The following KRR1 variants were observed in gnomAD, a reference collection of about 807,000 sequenced individuals.
KRR1 encodes KRR1 small subunit processome component homolog.
A neutral mutation model predicts 50.0 loss-of-function variants in KRR1; 23 were observed. That is an observed-to-expected ratio of 0.46 (90% CI 0.33 to 0.65). The LOEUF is 0.65. KRR1 is among the 30% of genes least tolerant of loss of function. The pLI, the probability that KRR1 is intolerant of heterozygous loss-of-function variation, is 0.02. For missense variants in KRR1, 419 were observed against 442.4 expected (o/e 0.95, Z 0.47); for synonymous variants, 133 against 146.3 (o/e 0.91, Z 0.66).
chr12:75,506,496 T>A lies in KRR1; in HGVS notation c.507A>T (p.Gly169=). The part of the protein sequence containing the change: ...KRRQRLIGPK[G]STLKALELLT... ...AATTAAAAAATACCTTCAATGTAGA[T>A]CCTTTGGGACCAATAAGCCGTTGTC... Residue 169 remains glycine, a synonymous_variant, in exon 4 of 10, where the codon GGA becomes GGT. Coordinates refer to ENST00000229214, the MANE Select transcript of KRR1 (RefSeq NM_007043.7). 6.2e-7 allele frequency: 1 copy of A among 1,611,502 alleles called. No homozygotes were observed. The highest frequency in any genetic ancestry group is 8.5e-7 in the Non-Finnish European group (1 of 1,179,126).
rs1431699327 is a variant in KRR1 at position 75,495,210 on chromosome 12, A to AAG, written c.*4597_*4598dup. 2 of 160,240 alleles carry AAG rather than the reference A, an allele frequency of 1.2e-5. No individual in the cohort carries two copies. Among genetic ancestry groups the AAG allele is most frequent in the Non-Finnish European group, 1.4e-5 (1 of 73,126 alleles). 9.9% of individuals were successfully genotyped at this position (160,240 alleles called of 1,614,324 possible). A position where few individuals can be genotyped will look rare whatever the true frequency, so the allele number is the denominator to read the frequency against. ...AATCATATAGGCCAGAGGGTAGGTA[A>AAG]AGAGAGGGAGCACAGCCCTGGAGTT... On this transcript the variant is annotated 3_prime_UTR_variant, in exon 10 of 10. Coordinates refer to ENST00000229214, the MANE Select transcript of KRR1 (RefSeq NM_007043.7).
chr12:75,507,007 G>A, intron 2 of KRR1, 91 bp from the exon 3 acceptor site: 1 of 1,075,454 alleles, frequency 9.3e-7, no homozygotes, highest in Non-Finnish European at 1.3e-6. Flanking sequence ...ATTAATTTCT[G>A]TCACCTCTCA....
In KRR1 at chr12:75,492,612, G is replaced by A. The variant is rs2046329673; in HGVS notation, c.*7197C>T. 6.6e-6 allele frequency: 1 copy of A among 152,154 alleles called. No individual in the cohort carries two copies. Among genetic ancestry groups the A allele is most frequent in the African/African-American group, 2.4e-5 (1 of 41,428 alleles). 9.4% of individuals were successfully genotyped at this position (152,154 alleles called of 1,614,324 possible). A position where few individuals can be genotyped will look rare whatever the true frequency, so the allele number is the denominator to read the frequency against. On this transcript the variant is annotated 3_prime_UTR_variant, in exon 10 of 10. Transcript: ENST00000229214. ...GATTTTTATTCATTAAAGTATAAAT[G>A]TAAATTTTCCTGGTTTAGACTCACT...
At chr12:75,501,681 T>C (rs957088319) in intron 9 of KRR1, 42 bp downstream of exon 9, 20 of 1,302,646 alleles carry the variant, frequency 1.5e-5, no homozygotes, top group Non-Finnish European at 2.0e-5. Context: ...TGGGTTTACT[T>C]TTCCTAATTA....
chr12:75,508,342 A>G lies in KRR1; in HGVS notation c.190T>C (p.Phe64Leu). 6.2e-7 allele frequency: 1 copy of G among 1,613,784 alleles called. No individual in the cohort carries two copies. Among genetic ancestry groups the G allele is most frequent in the Non-Finnish European group, 8.5e-7 (1 of 1,179,816 alleles). The change falls in exon 2 of 10, where the codon TTC becomes CTC. Residue 64 changes from phenylalanine to leucine, a missense_variant. Physicochemically the swap from Phe to Leu is conservative, Grantham distance 22. Coordinates refer to ENST00000229214, the MANE Select transcript of KRR1 (RefSeq NM_007043.7). ...LLEESSFATLFPKYREAYLKE... is the reference protein window; with the variant it reads ...LLEESSFATLLPKYREAYLKE... ...AAGTAAGCTTCCCTGTATTTTGGGA[A>G]CAAAGTTGCGAAACTGCTCTCCTCC...
chr12:75,501,936 A>T lies in KRR1; in HGVS notation c.896T>A (p.Met299Lys). The T allele has an allele frequency of 6.2e-7, 1 of 1,612,464 alleles. No homozygotes were observed. The highest frequency in any genetic ancestry group is 1.1e-5 in the South Asian group (1 of 91,026). The change falls in exon 8 of 10, where the codon ATG becomes AAG. Residue 299 changes from methionine (M) to lysine (K), a missense_variant. Met to Lys is a moderately conservative substitution (Grantham distance 95). Coordinates refer to ENST00000229214, the MANE Select transcript of KRR1 (RefSeq NM_007043.7). ...AAAGTGCCGTACCTTTATTGCTTCC[A>T]TTTTCTGCCGCTTCTTCTGATTTGC... is the stretch of plus-strand genomic sequence containing the variant. The part of the protein sequence containing the change: ...LKANQKKRQK[M>K]EAIKAKQAEA...
chr12:75,508,766 C>T (rs1478864518), intron 1 of KRR1, among the ~76,000 whole-genome samples: 1 of 152,208 alleles, frequency 6.6e-6, no homozygotes, highest in Non-Finnish European at 1.5e-5. Context: ...ACTCCAGAAA[C>T]ATGTACTGCA....
chr12:75,511,444 G>C lies in KRR1; in HGVS notation c.85+69C>G, dbSNP rs537150738. Reference sequence around the variant, plus strand: ...CCAGGTGGTTTTATAAGTCCACGAGGAACGAAAGAAAAAAACATCGCAACT... The same window carrying C: ...CCAGGTGGTTTTATAAGTCCACGAGCAACGAAAGAAAAAAACATCGCAACT... On this transcript the variant is annotated intron_variant, in intron 1 of 9. Coordinates refer to ENST00000229214, the MANE Select transcript of KRR1 (RefSeq NM_007043.7). 5 of 1,360,960 alleles carry C rather than the reference G, an allele frequency of 3.7e-6. No homozygotes were observed. In the East Asian group the frequency reaches 1.2e-4, roughly 32 times the overall value. 84.3% of individuals were successfully genotyped at this position (1,360,960 alleles called of 1,614,324 possible).
chr12:75,499,760 A>C lies in KRR1; in HGVS notation c.*49T>G. ...TAAGGCAACTAATGCCTGATATCTC[A>C]AAATCCTTTACAAAAGGAGATAGTT... On this transcript the variant is annotated 3_prime_UTR_variant, in exon 10 of 10. Transcript: ENST00000229214. The C allele has an allele frequency of 6.8e-7, 1 of 1,469,056 alleles. No individual in the cohort carries two copies. The highest frequency in any genetic ancestry group is 9.1e-7 in the Non-Finnish European group (1 of 1,097,382). The allele number at this position is 1,469,056 out of a possible 1,614,324, so 91.0% of individuals were successfully genotyped here.
rs763624351 is a variant in KRR1, at chr12:75,498,865, C to T, written c.*944G>A. 6 of 1,610,832 alleles carry T rather than the reference C, an allele frequency of 3.7e-6. No homozygotes were observed. Among genetic ancestry groups the T allele is most frequent in the Middle Eastern group, 1.6e-4 (1 of 6,066 alleles). ...ATATCCAGGCTGGCCCATATATCCA[C>T]GTAACAGATACACTTCTCTCTTTCT... On this transcript the variant is annotated 3_prime_UTR_variant, in exon 10 of 10. Transcript: ENST00000229214.
chr12:75,494,321 C>A lies in KRR1; in HGVS notation c.*5488G>T, dbSNP rs73356179. ...TAACCTCTATTAAAAATAACATTTCCTTTCATTATGAATGAAGACAACACT... is the reference window on the plus strand; with the variant it reads ...TAACCTCTATTAAAAATAACATTTCATTTCATTATGAATGAAGACAACACT... On this transcript the variant is annotated 3_prime_UTR_variant, in exon 10 of 10. Transcript: ENST00000229214. 4 of 152,032 alleles carry A rather than the reference C, an allele frequency of 2.6e-5. No individual in the cohort carries two copies. Among genetic ancestry groups the A allele is most frequent in the Non-Finnish European group, 4.4e-5 (3 of 68,002 alleles). 9.4% of individuals were successfully genotyped at this position (152,032 alleles called of 1,614,324 possible). A position where few individuals can be genotyped will look rare whatever the true frequency, so the allele number is the denominator to read the frequency against.
In KRR1 at chr12:75,495,458, C is replaced by G; in HGVS notation, c.*4351G>C. The G allele has an allele frequency of 1.7e-6, 1 of 604,908 alleles. No individual in the cohort carries two copies. Among genetic ancestry groups the G allele is most frequent in the East Asian group, 2.8e-5 (1 of 35,706 alleles). 37.5% of individuals were successfully genotyped at this position (604,908 alleles called of 1,614,324 possible). On this transcript the variant is annotated 3_prime_UTR_variant, in exon 10 of 10. Transcript: ENST00000229214. ...TTCCTGTCTTCACTTCTATTACCAACTCTCTGGACCTTTGTACTTCACTCC... is the reference window on the plus strand; with the variant it reads ...TTCCTGTCTTCACTTCTATTACCAAGTCTCTGGACCTTTGTACTTCACTCC...
In KRR1 at chr12:75,498,494, G is replaced by A. The variant is rs2046365832; in HGVS notation, c.*1315C>T. 1 of 521,392 alleles carries A rather than the reference G, an allele frequency of 1.9e-6. No homozygotes were observed. Among genetic ancestry groups the A allele is most frequent in the Non-Finnish European group, 3.4e-6 (1 of 296,292 alleles). 32.3% of individuals were successfully genotyped at this position (521,392 alleles called of 1,614,324 possible). A position where few individuals can be genotyped will look rare whatever the true frequency, so the allele number is the denominator to read the frequency against. ...TTCCTTTTTATAAAAGGTTTATAAA[G>A]TTTATGTAAAAAGTCAACTTAAAAA... On this transcript the variant is annotated 3_prime_UTR_variant, in exon 10 of 10. Transcript: ENST00000229214.
intron 1 of KRR1, among the ~76,000 whole-genome samples, chr12:75,509,767 T>C (rs1218299021): frequency 6.6e-6 from 1 of 151,440 alleles, no homozygotes; most frequent in East Asian, 1.9e-4. Flanking sequence ...TAATTTTTTT[T>C]TTTTTTTTGT....
rs746743291 is a variant in KRR1, at chr12:75,505,215, G to C, written c.643C>G (p.Pro215Ala). The C allele has an allele frequency of 1.9e-6, 3 of 1,566,324 alleles. No homozygotes were observed. Among genetic ancestry groups the C allele is most frequent in the Non-Finnish European group, 2.6e-6 (3 of 1,149,420 alleles). Residue 215 changes from proline to alanine, a missense_variant, in exon 6 of 10, where the codon CCA (proline) becomes GCA (alanine). Pro to Ala is a conservative substitution (Grantham distance 27). Transcript: ENST00000229214. ...VVLDTMKNIH[P>A]IYNIKSLMIK... ...CCACTCACTTTAATGTTATAAATTG[G>C]ATGAATATTCTTCATAGTATCAAGG...
In KRR1 at chr12:75,495,227, C is replaced by CCCT. The variant is rs2046343381; in HGVS notation, c.*4581_*4582insAGG. 2 of 169,406 alleles carry CCCT rather than the reference C, an allele frequency of 1.2e-5. No individual in the cohort carries two copies. Among genetic ancestry groups the CCCT allele is most frequent in the Admixed American group, 1.2e-4 (2 of 16,522 alleles). 10.5% of individuals were successfully genotyped at this position (169,406 alleles called of 1,614,324 possible). A position where few individuals can be genotyped will look rare whatever the true frequency, so the allele number is the denominator to read the frequency against. ...GGTAGGTAAAGAGAGGGAGCACAGC[C>CCCT]CTGGAGTTAAATCCAGGTTTCCTCT... On this transcript the variant is annotated 3_prime_UTR_variant, in exon 10 of 10. Coordinates refer to ENST00000229214, the MANE Select transcript of KRR1 (RefSeq NM_007043.7).
intron 3 of KRR1, 62 bp downstream of exon 3, chr12:75,506,720 G>A: frequency 6.4e-7 from 1 of 1,560,952 alleles, no homozygotes; most frequent in South Asian, 1.2e-5. Flanking sequence ...AAACTTGATG[G>A]TGGGATGTTA....
Position 75,501,664 on chromosome 12 carries a change from T to C in KRR1, c.1003+59A>G, listed in dbSNP as rs998634305. On this transcript the variant is annotated intron_variant, in intron 9 of 9. Coordinates refer to ENST00000229214, the MANE Select transcript of KRR1 (RefSeq NM_007043.7). ...TGTTTCTTAAAAAGATTCAGACAAA[T>C]TTATTATGGGTTTACTTTTCCTAAT... 7 of 1,132,154 alleles carry C rather than the reference T, an allele frequency of 6.2e-6. No individual in the cohort carries two copies. In the African/African-American group the frequency reaches 1.1e-4, roughly 18 times the overall value. 70.1% of individuals were successfully genotyped at this position (1,132,154 alleles called of 1,614,324 possible).
chr12:75,503,740 A>T (rs1025488344), intron 7 of KRR1, 164 bp downstream of exon 7: 2 of 576,508 alleles, frequency 3.5e-6, no homozygotes, highest in African/African-American at 3.8e-5. Flanking sequence ...ACTCAGCTCA[A>T]AATATGCCTA....
Sources: gnomAD v4.1 joint callset for allele counts (sites outside exome capture counted in the v4.1 genomes callset) on GRCh38, gnomAD v4.1.1 for gene constraint, MANE v1.5 for transcripts, NCBI Gene and HGNC (gene_info 2026-07-23, HGNC 2026-07-21) for gene names.